ST3GAL3: variants seen among roughly 807,000 people sequenced by gnomAD.
ST3GAL3 encodes ST3 beta-galactoside alpha-2,3-sialyltransferase 3.
Under a neutral mutation model 50.1 loss-of-function variants are expected in ST3GAL3, and 21 were observed. The observed-to-expected ratio is 0.42, with a 90% CI of 0.30 to 0.60. ST3GAL3 has a LOEUF of 0.60. ST3GAL3 is among the 20% of genes least tolerant of loss of function. The pLI is 0.19. For missense variants in ST3GAL3, 353 were observed against 489.4 expected (o/e 0.72, Z 2.63); for synonymous variants, 183 against 190.0 (o/e 0.96, Z 0.30).
intron 5 of ST3GAL3, among the ~76,000 whole-genome samples, chr1:43,849,541 C>T (rs755660681): frequency 6.5e-4 from 99 of 152,130 alleles, no homozygotes; most frequent in African/African-American, 2.2e-3. Context: ...TAAAAATGGT[C>T]GTATATGTTT....
chr1:43,898,743 T>C (rs1327190114), intron 7 of ST3GAL3, among the ~76,000 whole-genome samples: 1 of 151,906 alleles, frequency 6.6e-6, no homozygotes, highest in Non-Finnish European at 1.5e-5. Flanking sequence ...GAGCCTTGAG[T>C]CCTAGAGCCT....
chr1:43,863,398 A>G lies in ST3GAL3; in HGVS notation c.302+25087A>G, dbSNP rs139534202. ...GACTATGACAGCCCCGGAGCCTCAG[A>G]AAAACTGGCTTGTGAATGACTTTGC... is the stretch of plus-strand genomic sequence containing the variant. On this transcript the variant is annotated intron_variant, in intron 5 of 11. Transcript: ENST00000347631. 3.0e-3 allele frequency among the ~76,000 whole-genome samples: 463 copies of G among 152,314 alleles called. 2 individuals are homozygous for G. Among genetic ancestry groups the G allele is most frequent in the African/African-American group, 0.011 (441 of 41,570 alleles).
chr1:43,873,643 G>T (rs1023141290), intron 5 of ST3GAL3, among the ~76,000 whole-genome samples: 1 of 152,032 alleles, frequency 6.6e-6, no homozygotes, highest in Non-Finnish European at 1.5e-5. Flanking sequence ...AAATTAGCTG[G>T]GTGTGGTGGT....
In ST3GAL3 at chr1:43,769,670, C is replaced by A. The variant is rs570844658; in HGVS notation, c.119-22432C>A. On this transcript the variant is annotated intron_variant, in intron 2 of 11. Transcript: ENST00000347631. ...GGACTAGATGGTTCAAGTGTTTTAG[C>A]TTATTTCATTCACATACTCTCTTTG... 2.6e-5 allele frequency among the ~76,000 whole-genome samples: 4 copies of A among 152,262 alleles called. No homozygotes were observed. In the East Asian group the frequency reaches 7.7e-4, roughly 29 times the overall value.
At chr1:43,836,482 G>T (rs1558513334) in intron 4 of ST3GAL3, among the ~76,000 whole-genome samples, 1 of 152,210 alleles carries the variant, frequency 6.6e-6, no homozygotes, top group African/African-American at 2.4e-5. Context: ...GGCCCGAGGG[G>T]TCTGTGGTGA....
intron 9 of ST3GAL3, chr1:43,916,620 T>C (rs1487381691): frequency 6.6e-6 from 1 of 152,178 alleles, no homozygotes. Flanking sequence ...CCTTTCTCTT[T>C]CACCCAGACT....
intron 3 of ST3GAL3, among the ~76,000 whole-genome samples, chr1:43,806,131 G>A (rs1053272277): frequency 6.6e-6 from 1 of 152,154 alleles, no homozygotes; most frequent in Admixed American, 6.5e-5. Context: ...AACTGAAAGA[G>A]GCCAAAATCA....
chr1:43,733,848 G>A (rs1452314638), intron 1 of ST3GAL3, among the ~76,000 whole-genome samples: 1 of 152,188 alleles, frequency 6.6e-6, no homozygotes, highest in Non-Finnish European at 1.5e-5. Flanking sequence ...GGGCGTGGTG[G>A]CTCACGCCTG....
Position 43,711,122 on chromosome 1 carries a change from A to G in ST3GAL3, c.-31+3429A>G, listed in dbSNP as rs567636340. On this transcript the variant is annotated intron_variant, in intron 1 of 11. Transcript: ENST00000347631. The stretch of plus-strand genomic sequence containing the variant: ...CCCTTACTGAGAGATCTGTATTGAC[A>G]TAGATAGCTTGGATTAGGCTGCACT... 7.7e-4 allele frequency among the ~76,000 whole-genome samples: 117 copies of G among 152,372 alleles called. No homozygotes were observed. In the South Asian group the frequency reaches 0.023, roughly 30 times the overall value.
At chr1:43,745,935 T>C (rs868408389) in intron 2 of ST3GAL3, among the ~76,000 whole-genome samples, 1 of 152,232 alleles carries the variant, frequency 6.6e-6, no homozygotes, top group African/African-American at 2.4e-5. Context: ...GACCTAGATA[T>C]GTTTTGATAC....
chr1:43,806,908 C>T (rs1288521197), intron 3 of ST3GAL3, among the ~76,000 whole-genome samples: 1 of 152,152 alleles, frequency 6.6e-6, no homozygotes, highest in Non-Finnish European at 1.5e-5. Context: ...CCAGGCTGGT[C>T]TCACACACCT....
chr1:43,785,508 A>G (rs1265995564), intron 2 of ST3GAL3, among the ~76,000 whole-genome samples: 1 of 152,230 alleles, frequency 6.6e-6, no homozygotes, highest in Non-Finnish European at 1.5e-5. Context: ...AAGAAAAACC[A>G]AACCTCAAGG....
intron 9 of ST3GAL3, chr1:43,919,065 GTTTCTTTTTTT>G (rs2082571818): frequency 2.0e-5 from 1 of 48,988 alleles, no homozygotes; most frequent in South Asian, 7.8e-4. Context: ...TCCTTTCTTT[GTTTCTTTTTTT>G]TTTTTTTTTT....
At chr1:43,832,242 C>A (rs3791074) in intron 4 of ST3GAL3, among the ~76,000 whole-genome samples, 1 of 152,108 alleles carries the variant, frequency 6.6e-6, no homozygotes, top group Non-Finnish European at 1.5e-5. Flanking sequence ...GTCAGCTCCA[C>A]AATCACTGAT....
At chr1:43,753,033 A>C (rs1490065735) in intron 2 of ST3GAL3, among the ~76,000 whole-genome samples, 2 of 152,256 alleles carry the variant, frequency 1.3e-5, no homozygotes, top group Non-Finnish European at 2.9e-5. Context: ...AATATGCATC[A>C]GTACTCATTG....
intron 11 of ST3GAL3, among the ~76,000 whole-genome samples, chr1:43,928,530 G>A (rs1162035811): frequency 5.3e-5 from 8 of 152,168 alleles, no homozygotes; most frequent in East Asian, 1.9e-4. Flanking sequence ...AACCCGGGGG[G>A]CGGAGGTTGC....
intron 2 of ST3GAL3, among the ~76,000 whole-genome samples, chr1:43,747,419 C>T (rs1558123850): frequency 1.3e-5 from 2 of 151,884 alleles, no homozygotes; most frequent in African/African-American, 4.8e-5. Flanking sequence ...CTCAAACAAA[C>T]AAACCAGCCA....
chr1:43,715,221 A>C (rs1165181248), intron 1 of ST3GAL3, among the ~76,000 whole-genome samples: 2 of 152,156 alleles, frequency 1.3e-5, no homozygotes, highest in Non-Finnish European at 2.9e-5. Context: ...CATGTTTGTG[A>C]GTATTGTCTG....
intron 3 of ST3GAL3, among the ~76,000 whole-genome samples, chr1:43,808,540 G>A (rs567100856): frequency 6.6e-6 from 1 of 152,206 alleles, no homozygotes; most frequent in African/African-American, 2.4e-5. Flanking sequence ...ACTGATCTCT[G>A]AAAGAAGGGA....
Sources: allele counts gnomAD v4.1 joint callset (sites outside exome capture counted in the v4.1 genomes callset), GRCh38; gene constraint gnomAD v4.1.1; transcripts MANE v1.5; gene names NCBI Gene and HGNC (gene_info 2026-07-23, HGNC 2026-07-21).